ARHGAP1: variants seen among roughly 807,000 people sequenced by gnomAD.
The protein encoded by ARHGAP1 is Rho GTPase activating protein 1, also known as rho GTPase-activating protein 1.
Under a neutral mutation model 52.2 loss-of-function variants are expected in ARHGAP1, and 23 were observed. The observed-to-expected ratio is 0.44, with a 90% confidence interval of 0.32 to 0.62. The LOEUF is 0.62. Ranked by LOEUF, ARHGAP1 falls within the 20% of genes least tolerant of loss-of-function variation. The pLI is 0.05. For synonymous variants in ARHGAP1, 210 were observed against 228.4 expected, an observed-to-expected ratio of 0.92 and a Z score of 0.73; for missense variants, 480 against 560.9, an observed-to-expected ratio of 0.86 and a Z score of 1.46.
chr11:46,694,249 C>T (rs2064635905), intron 3 of ARHGAP1, among the ~76,000 whole-genome samples: 1 of 152,148 alleles, frequency 6.6e-6, no homozygotes, highest in Non-Finnish European at 1.5e-5. Context: ...TCCCCCACCC[C>T]CATCCTACCT....
Position 46,680,210 on chromosome 11 carries a change from T to A in ARHGAP1, c.893A>T (p.Asn298Ile). The change falls in exon 10 of 13, where the codon AAC (asparagine) becomes ATC (isoleucine). Residue 298 changes from asparagine (N) to isoleucine (I), a missense_variant. Physicochemically the swap from Asn to Ile is moderately radical, Grantham distance 149. Transcript: ENST00000311956. The surrounding 1 kb of genome is among the most constrained non-coding windows in gnomAD (Gnocchi z 5.9). ...AACAGCCCAGGGCTGCTCACCCATG[T>A]TGTACTTCTGCTGCACTTCCCGGAC... ...QVVREVQQKY[N>I]MGLPVDFDQY... The A allele has an allele frequency of 2.5e-6, 4 of 1,614,074 alleles. No individual in the cohort carries two copies. Among genetic ancestry groups the A allele is most frequent in the Non-Finnish European group, 3.4e-6 (4 of 1,180,026 alleles).
intron 1 of ARHGAP1, among the ~76,000 whole-genome samples, chr11:46,698,983 C>G (rs924840938): frequency 2.0e-5 from 3 of 152,178 alleles, no homozygotes; most frequent in African/African-American, 4.8e-5. Flanking sequence ...ACCCACAAGC[C>G]TGCTCTACTC....
chr11:46,682,545 A>G (rs1214901173), intron 4 of ARHGAP1, among the ~76,000 whole-genome samples: 1 of 152,198 alleles, frequency 6.6e-6, no homozygotes, highest in East Asian at 1.9e-4. Context: ...TTAGCCGAGC[A>G]TGGTGGTGCA....
chr11:46,691,830 T>C (rs761806500), intron 3 of ARHGAP1, among the ~76,000 whole-genome samples: 1 of 152,096 alleles, frequency 6.6e-6, no homozygotes, highest in Non-Finnish European at 1.5e-5. Context: ...TCAGATGATC[T>C]GCACGCCTCA....
At position 46,679,628 on chromosome 11, in the gene ARHGAP1, C is replaced by G. The variant is rs969205219; in HGVS notation, c.1027+20G>C. Reference sequence around the variant, plus strand: ...GCCCCAAGTCCAGCCCCAGGCCCAACAGAAGAGATGGGGACTCACTGAGGA... The same window carrying G: ...GCCCCAAGTCCAGCCCCAGGCCCAAGAGAAGAGATGGGGACTCACTGAGGA... On this transcript the variant is annotated intron_variant, in intron 11 of 12. Transcript: ENST00000311956. The surrounding 1 kb of genome is among the most constrained non-coding windows in gnomAD (Gnocchi z 4.4). 2.5e-6 allele frequency: 4 copies of G among 1,613,794 alleles called. No individual in the cohort carries two copies. The highest frequency in any genetic ancestry group is 3.4e-6 in the Non-Finnish European group (4 of 1,179,894).
chr11:46,681,540 TCTC>T lies in ARHGAP1; in HGVS notation c.450-164_450-162del. 3 of 597,234 alleles carry T rather than the reference TCTC, an allele frequency of 5.0e-6. No homozygotes were observed. Among genetic ancestry groups the T allele is most frequent in the Admixed American group, 5.7e-5 (2 of 35,256 alleles). 37.0% of individuals were successfully genotyped at this position (597,234 alleles called of 1,614,324 possible). ...CCTCCACCTCCCGGATTCAAGCTATTCTCCTGCCTCAGCCTCCTGAGTAACTAG... is the reference window on the plus strand; with the variant it reads ...CCTCCACCTCCCGGATTCAAGCTATTCTGCCTCAGCCTCCTGAGTAACTAG... On this transcript the variant is annotated intron_variant, in intron 5 of 12. Transcript: ENST00000311956. The surrounding 1 kb of genome is among the most constrained non-coding windows in gnomAD (Gnocchi z 5.7).
Position 46,680,385 on chromosome 11 carries a change from T to C in ARHGAP1, c.820+102A>G. ...TTCTAGGCAGGGCTGGGTGGGGACG[T>C]TGAGGCTTGCAGGACCTCCCTCTGC... On this transcript the variant is annotated intron_variant, in intron 9 of 12. Transcript: ENST00000311956. The surrounding 1 kb of genome is among the most constrained non-coding windows in gnomAD (Gnocchi z 5.9). 7 of 1,578,846 alleles carry C rather than the reference T, an allele frequency of 4.4e-6. No homozygotes were observed. Among genetic ancestry groups the C allele is most frequent in the Non-Finnish European group, 5.2e-6 (6 of 1,149,520 alleles).
chr11:46,687,964 G>A (rs2064584123), intron 4 of ARHGAP1: 1 of 542,084 alleles, frequency 1.8e-6, no homozygotes. Flanking sequence ...TGCTTACCAA[G>A]GTCACCCAGC....
chr11:46,691,451 A>AT (rs56173045), intron 3 of ARHGAP1, among the ~76,000 whole-genome samples: 1 of 114,760 alleles, frequency 8.7e-6, no homozygotes. Flanking sequence ...CACCAGGCTA[A>AT]TTTTTTTTTT....
chr11:46,695,833 CT>C (rs2064648688), intron 2 of ARHGAP1, 78 bp from the exon 3 acceptor site: 1 of 1,576,984 alleles, frequency 6.3e-7, no homozygotes, highest in Admixed American at 1.8e-5. Context: ...CTGTCTGGCC[CT>C]TCCCCCAGTA....
Position 46,679,161 on chromosome 11 carries a change from TTAGGGCCGAAAACAACAGCCAGGTTAG to T in ARHGAP1, c.1169_1195del (p.Thr390_Pro398del), listed in dbSNP as rs761906298. The T allele has an allele frequency of 1.2e-6, 2 of 1,613,692 alleles. No homozygotes were observed. Among genetic ancestry groups the T allele is most frequent in the Non-Finnish European group, 8.5e-7 (1 of 1,179,794 alleles). ...GGCCGCATCCTTGGCCCACAGCAGG[TTAGGGCCGAAAACAACAGCCAGGTTAG>T]TGTTGGTCATCTTGTTCTGGTCACT... On this transcript the variant is annotated inframe_deletion, in exon 13 of 13. Transcript: ENST00000311956. This position sits in a 1 kb window ranked among gnomAD's most constrained non-coding sequence, Gnocchi z 4.4.
intron 1 of ARHGAP1, among the ~76,000 whole-genome samples, chr11:46,698,317 C>T (rs984872602): frequency 3.3e-5 from 5 of 151,976 alleles, no homozygotes; most frequent in Admixed American, 1.3e-4. Flanking sequence ...AAGGAGCAGC[C>T]GGGGCCGGGC....
In ARHGAP1 at chr11:46,680,868, C is replaced by A. The variant is rs1162534621; in HGVS notation, c.636-121G>T. 1 of 1,074,438 alleles carries A rather than the reference C, an allele frequency of 9.3e-7. No individual in the cohort carries two copies. Among genetic ancestry groups the A allele is most frequent in the East Asian group, 2.4e-5 (1 of 41,444 alleles). The allele number at this position is 1,074,438 out of a possible 1,614,324, so 66.6% of individuals were successfully genotyped here. ...ATCTCATGCGATCTCTGTAACAACT[C>A]CGCTTTCCACAGCAGAAAGCAAAGA... On this transcript the variant is annotated intron_variant, in intron 7 of 12. Coordinates refer to ENST00000311956, the MANE Select transcript of ARHGAP1 (RefSeq NM_004308.5). This position sits in a 1 kb window ranked among gnomAD's most constrained non-coding sequence, Gnocchi z 5.9.
rs1287739451 is a variant in ARHGAP1, at chr11:46,680,459, C to A, written c.820+28G>T. 1.2e-6 allele frequency: 2 copies of A among 1,612,448 alleles called. No homozygotes were observed. The highest frequency in any genetic ancestry group is 8.5e-7 in the Non-Finnish European group (1 of 1,178,856). The stretch of plus-strand genomic sequence containing the variant: ...TCCTGAAGGGAGCCGGGAGACCTGG[C>A]TGGTGAGGAGGCAGGCCCGGCACTC... On this transcript the variant is annotated intron_variant, in intron 9 of 12. Transcript: ENST00000311956. The surrounding 1 kb of genome is among the most constrained non-coding windows in gnomAD (Gnocchi z 5.9).
In ARHGAP1 at chr11:46,680,972, C is replaced by T. The variant is rs747042746; in HGVS notation, c.635+39G>A. On this transcript the variant is annotated intron_variant, in intron 7 of 12. Transcript: ENST00000311956. This position sits in a 1 kb window ranked among gnomAD's most constrained non-coding sequence, Gnocchi z 5.9. ...GAATCAGGACACACGTCCTCATTACCCTGGCTTCACGAGCCCCCAGCCGCC... is the reference window on the plus strand; with the variant it reads ...GAATCAGGACACACGTCCTCATTACTCTGGCTTCACGAGCCCCCAGCCGCC... The T allele has an allele frequency of 1.9e-6, 3 of 1,575,630 alleles. No individual in the cohort carries two copies. The East Asian group carries it at 6.7e-5, about 35-fold the overall frequency.
chr11:46,700,220 C>T (rs2064691462), intron 1 of ARHGAP1, among the ~76,000 whole-genome samples: 1 of 152,226 alleles, frequency 6.6e-6, no homozygotes. Context: ...AACACTTCCC[C>T]CAAATTTCTT....
Position 46,679,939 on chromosome 11 carries a change from G to A in ARHGAP1, c.899-163C>T. 1 of 1,233,442 alleles carries A rather than the reference G, an allele frequency of 8.1e-7. No homozygotes were observed. The highest frequency in any genetic ancestry group is 1.1e-6 in the Non-Finnish European group (1 of 906,340). The allele number at this position is 1,233,442 out of a possible 1,614,324, so 76.4% of individuals were successfully genotyped here. On this transcript the variant is annotated intron_variant, in intron 10 of 12. Transcript: ENST00000311956. This position sits in a 1 kb window ranked among gnomAD's most constrained non-coding sequence, Gnocchi z 4.4. ...GCCTCCCTCTTCCTCTGTGATCAGAGAATGCAGGTTCCGGCCATCTGGGGA... is the reference window on the plus strand; with the variant it reads ...GCCTCCCTCTTCCTCTGTGATCAGAAAATGCAGGTTCCGGCCATCTGGGGA...
At chr11:46,687,361 G>A (rs961795882) in intron 4 of ARHGAP1, 1 of 152,274 alleles carries the variant, frequency 6.6e-6, no homozygotes, top group Non-Finnish European at 1.5e-5. Context: ...CTCCTTCTGC[G>A]GCTGCCCTCT....
Position 46,677,889 on chromosome 11 carries a change from T to A in ARHGAP1, c.*1148A>T, listed in dbSNP as rs1286384640. ...TGCTTGAACCCAGAAGGCGGAGGTG[T>A]GCCGAGATCGCGCCACTGCACTCCA... is the stretch of plus-strand genomic sequence containing the variant. On this transcript the variant is annotated 3_prime_UTR_variant, in exon 13 of 13. Transcript: ENST00000311956. The A allele has an allele frequency of 1.4e-5, 6 of 417,162 alleles. No individual in the cohort carries two copies. The highest frequency in any genetic ancestry group is 6.6e-5 in the African/African-American group (3 of 45,614). The allele number at this position is 417,162 out of a possible 1,614,324, so 25.8% of individuals were successfully genotyped here.
Sources: gnomAD v4.1 joint callset for allele counts (sites outside exome capture counted in the v4.1 genomes callset) on GRCh38, gnomAD v4.1.1 for gene constraint, Gnocchi (gnomAD v3.1) non-coding constraint, MANE v1.5 for transcripts, NCBI Gene and HGNC (gene_info 2026-07-23, HGNC 2026-07-21) for gene names.